EEF1AKMT1: variants seen among roughly 807,000 people sequenced by gnomAD.
EEF1AKMT1 encodes EEF1A lysine methyltransferase 1, also known as N-6 adenine-specific DNA methyltransferase 2 (putative).
EEF1AKMT1 carries 18 observed loss-of-function variants against 21.0 expected under a neutral mutation model. The ratio of observed to expected loss-of-function variants is 0.86; its 90% CI spans 0.59 to 1.27. The LOEUF (loss-of-function observed/expected upper bound fraction) is 1.27, where lower values mean the gene tolerates loss of function less well. Among genes scored for constraint, EEF1AKMT1 ranks in the 50% most tolerant of loss-of-function variants. The pLI is 0.00. For missense variants in EEF1AKMT1, 246 were observed against 258.6 expected, an observed-to-expected ratio of 0.95 and a Z score of 0.33; for synonymous variants, 109 against 94.8, an observed-to-expected ratio of 1.15 and a Z score of -0.87.
intron 1 of EEF1AKMT1, among the ~76,000 whole-genome samples, chr13:20,762,456 T>C (rs986929928): frequency 6.6e-6 from 1 of 152,108 alleles, no homozygotes; most frequent in Non-Finnish European, 1.5e-5. Flanking sequence ...CCCAAAGTGC[T>C]GGGATTACAG....
intron 4 of EEF1AKMT1, among the ~76,000 whole-genome samples, chr13:20,731,331 G>A (rs1383185977): frequency 2.0e-5 from 3 of 152,170 alleles, no homozygotes; most frequent in African/African-American, 7.2e-5. Context: ...CCAGCTTGGT[G>A]GCACACACCT....
chr13:20,746,674 G>C (rs2058906959), intron 2 of EEF1AKMT1, among the ~76,000 whole-genome samples: 1 of 150,544 alleles, frequency 6.6e-6, no homozygotes, highest in Non-Finnish European at 1.5e-5. Context: ...CACCATCAGG[G>C]CACAATGATA....
At position 20,765,416 on chromosome 13, in the gene EEF1AKMT1, T is replaced by TTTTG. The variant is rs1555327453; in HGVS notation, c.-19-7800_-19-7799insCAAA. Among the ~76,000 whole-genome samples, 979 of 128,974 alleles carry TTTTG rather than the reference T, an allele frequency of 7.6e-3. 26 individuals are homozygous for TTTTG. Among genetic ancestry groups the TTTTG allele is most frequent in the African/African-American group, 0.028 (948 of 33,508 alleles). 84.6% of individuals were successfully genotyped at this position (128,974 alleles called of 152,430 possible). A position where few individuals can be genotyped will look rare whatever the true frequency, so the allele number is the denominator to read the frequency against. On this transcript the variant is annotated intron_variant, in intron 1 of 4. Coordinates refer to ENST00000382758, the MANE Select transcript of EEF1AKMT1 (RefSeq NM_001318939.2). ...GTTTCTTCCCTTGGGTTTTTTTTTT[T>TTTTG]TTTTTTTTTTTTTTGAGATAGAGTT...
At chr13:20,751,106 AT>A (rs1486441340) in intron 2 of EEF1AKMT1, among the ~76,000 whole-genome samples, 1 of 152,144 alleles carries the variant, frequency 6.6e-6, no homozygotes, top group Non-Finnish European at 1.5e-5. Flanking sequence ...GTTTTCAAAT[AT>A]TTTACACATC....
At chr13:20,745,937 G>A (rs966418533) in intron 2 of EEF1AKMT1, among the ~76,000 whole-genome samples, 5 of 152,098 alleles carry the variant, frequency 3.3e-5, no homozygotes, top group Non-Finnish European at 5.9e-5. Context: ...AAAGTGGCAC[G>A]TGGTATGAAT....
chr13:20,729,711 C>T (rs1051939224), intron 4 of EEF1AKMT1, among the ~76,000 whole-genome samples: 11 of 152,156 alleles, frequency 7.2e-5, no homozygotes, highest in Non-Finnish European at 1.5e-4. Context: ...TGCGACATCC[C>T]CACAGGAGGT....
At chr13:20,745,146 G>C (rs1380595149) in intron 2 of EEF1AKMT1, among the ~76,000 whole-genome samples, 1 of 152,184 alleles carries the variant, frequency 6.6e-6, no homozygotes, top group Non-Finnish European at 1.5e-5. Flanking sequence ...TTTTGCTTAG[G>C]ATTGTCTTGG....
At chr13:20,753,842 A>T (rs567887939) in intron 2 of EEF1AKMT1, among the ~76,000 whole-genome samples, 10 of 152,062 alleles carry the variant, frequency 6.6e-5, no homozygotes, top group African/African-American at 1.2e-4. Context: ...TAGGCAGCAT[A>T]TAGGTGGATC....
intron 2 of EEF1AKMT1, among the ~76,000 whole-genome samples, chr13:20,751,384 A>G (rs1000469507): frequency 9.2e-5 from 14 of 152,208 alleles, no homozygotes; most frequent in Admixed American, 5.2e-4. Context: ...ATTCTTCTGC[A>G]TATGGATATC....
At chr13:20,743,618 G>A (rs2058885147) in intron 2 of EEF1AKMT1, among the ~76,000 whole-genome samples, 1 of 150,070 alleles carries the variant, frequency 6.7e-6, no homozygotes. Context: ...TGAGAGCAAG[G>A]GCAGTGTTTT....
intron 2 of EEF1AKMT1, among the ~76,000 whole-genome samples, chr13:20,738,915 T>C (rs531409757): frequency 2.6e-5 from 4 of 152,340 alleles, no homozygotes; most frequent in Admixed American, 1.3e-4. Context: ...GATAGTTGTG[T>C]GTCCGGAATT....
chr13:20,757,670 C>T, intron 1 of EEF1AKMT1, 53 bp from the exon 2 acceptor site: 1 of 1,421,196 alleles, frequency 7.0e-7, no homozygotes, highest in Non-Finnish European at 9.5e-7. Context: ...CCTTCCCAGC[C>T]AGTAATAATT....
intron 4 of EEF1AKMT1, among the ~76,000 whole-genome samples, chr13:20,729,640 C>T (rs1186753053): frequency 5.3e-5 from 8 of 152,126 alleles, no homozygotes; most frequent in Non-Finnish European, 4.4e-5. Flanking sequence ...TTGCCACTCC[C>T]TTTTGCCATC....
intron 1 of EEF1AKMT1, among the ~76,000 whole-genome samples, chr13:20,765,404 G>GTTT (rs2059023619): frequency 1.2e-5 from 1 of 82,674 alleles, no homozygotes; most frequent in African/African-American, 5.0e-5. Flanking sequence ...TCTTCCCTTG[G>GTTT]GTTTTTTTTT....
At chr13:20,739,132 T>C (rs1020553750) in intron 2 of EEF1AKMT1, among the ~76,000 whole-genome samples, 1 of 152,068 alleles carries the variant, frequency 6.6e-6, no homozygotes. Flanking sequence ...ACTCCTAAGA[T>C]GGCACATCTG....
intron 2 of EEF1AKMT1, among the ~76,000 whole-genome samples, chr13:20,739,006 G>A (rs2058848590): frequency 6.6e-6 from 1 of 152,178 alleles, no homozygotes; most frequent in African/African-American, 2.4e-5. Flanking sequence ...AAGATAGTGT[G>A]CCCAGAGTTC....
chr13:20,754,805 G>A (rs1039516518), intron 2 of EEF1AKMT1, among the ~76,000 whole-genome samples: 28 of 150,908 alleles, frequency 1.9e-4, no homozygotes, highest in African/African-American at 6.3e-4. Context: ...CACAAGAATC[G>A]CTTGAACCAG....
At chr13:20,758,395 G>A (rs1299686164) in intron 1 of EEF1AKMT1, among the ~76,000 whole-genome samples, 1 of 152,034 alleles carries the variant, frequency 6.6e-6, no homozygotes, top group African/African-American at 2.4e-5. Context: ...TGCCTTTCTG[G>A]ACCAAACCAA....
At chr13:20,773,017 T>A (rs2059069981) in intron 1 of EEF1AKMT1, among the ~76,000 whole-genome samples, 1 of 152,150 alleles carries the variant, frequency 6.6e-6, no homozygotes, top group African/African-American at 2.4e-5. Context: ...ATTCTCCAAA[T>A]ACTTTTTATA....
Sources: allele counts gnomAD v4.1 joint callset (sites outside exome capture counted in the v4.1 genomes callset), GRCh38; gene constraint gnomAD v4.1.1; transcripts MANE v1.5; gene names NCBI Gene and HGNC (gene_info 2026-07-23, HGNC 2026-07-21).